ITFG1: variants seen among roughly 807,000 people sequenced by gnomAD.
ITFG1 encodes T-cell immunomodulatory protein.
A neutral mutation model predicts 81.8 loss-of-function variants in ITFG1; 34 were observed. That is an observed-to-expected ratio of 0.42 (90% CI 0.32 to 0.55). The LOEUF is 0.55. Ranked by LOEUF, ITFG1 falls within the 20% of genes least tolerant of loss-of-function variation. ITFG1 has a pLI of 0.17. For synonymous variants in ITFG1, 285 were observed against 270.6 expected, an observed-to-expected ratio of 1.05 and a Z score of -0.52; for missense variants, 672 against 755.4, an observed-to-expected ratio of 0.89 and a Z score of 1.29.
intron 10 of ITFG1, among the ~76,000 whole-genome samples, chr16:47,269,917 C>T (rs1234898761): frequency 3.9e-5 from 6 of 152,088 alleles, no homozygotes; most frequent in South Asian, 2.1e-4. Flanking sequence ...GGTACTGCCA[C>T]AAAGATGGAC....
At chr16:47,361,395 A>G (rs1171675353) in intron 8 of ITFG1, among the ~76,000 whole-genome samples, 1 of 152,014 alleles carries the variant, frequency 6.6e-6, no homozygotes, top group Non-Finnish European at 1.5e-5. Context: ...TCTAATTTCT[A>G]TTGACTTTTT....
chr16:47,400,539 G>A (rs1968647955), intron 6 of ITFG1, among the ~76,000 whole-genome samples: 2 of 151,770 alleles, frequency 1.3e-5, no homozygotes, highest in Admixed American at 1.3e-4. Context: ...CAGTTAACAG[G>A]GAAGACAGAG....
At chr16:47,376,084 C>A in intron 6 of ITFG1, 144 bp from the exon 7 acceptor site, 2 of 520,810 alleles carry the variant, frequency 3.8e-6, no homozygotes, top group Non-Finnish European at 6.8e-6. Flanking sequence ...CAAGTTTCAT[C>A]CCATTAAAAA....
intron 10 of ITFG1, among the ~76,000 whole-genome samples, chr16:47,292,361 G>A (rs1405575760): frequency 6.6e-6 from 1 of 152,118 alleles, no homozygotes; most frequent in Non-Finnish European, 1.5e-5. Context: ...TGATGTCTCT[G>A]TATTCGATGA....
intron 6 of ITFG1, among the ~76,000 whole-genome samples, chr16:47,426,989 T>TG (rs1306122775): frequency 2.6e-5 from 4 of 152,052 alleles, no homozygotes; most frequent in African/African-American, 7.2e-5. Flanking sequence ...AGGTGGGAAG[T>TG]GGGGGCGGAG....
intron 12 of ITFG1, among the ~76,000 whole-genome samples, chr16:47,251,730 A>C (rs1274127155): frequency 1.3e-5 from 2 of 152,236 alleles, no homozygotes; most frequent in Non-Finnish European, 2.9e-5. Flanking sequence ...CTATATGTAC[A>C]TACCTATGAT....
At chr16:47,461,105 A>G, upstream of ITFG1, 1 of 1,422,814 alleles carries the variant, frequency 7.0e-7, no homozygotes, top group Non-Finnish European at 9.3e-7. Context: ...GCCGCAAAGC[A>G]CCGCGTTACC....
intron 1 of ITFG1, among the ~76,000 whole-genome samples, chr16:47,459,615 G>A (rs1408002274): frequency 6.6e-6 from 1 of 152,152 alleles, no homozygotes; most frequent in East Asian, 1.9e-4. Context: ...GTAGATATCT[G>A]ACAAAGACAT....
intron 14 of ITFG1, among the ~76,000 whole-genome samples, chr16:47,170,026 G>A (rs960950721): frequency 1.3e-5 from 2 of 152,148 alleles, no homozygotes; most frequent in African/African-American, 4.8e-5. Flanking sequence ...GCATTCCTGG[G>A]ACAAGTCCCA....
At position 47,166,098 on chromosome 16, in the gene ITFG1, C is replaced by A. The variant is rs530167539; in HGVS notation, c.1454-3434G>T. ...ACCAGCATTAACATCAATACAAAGC[C>A]CTTAAGACTGATAGAACAGACTCTT... On this transcript the variant is annotated intron_variant, in intron 14 of 17. Transcript: ENST00000320640. Among the ~76,000 whole-genome samples, 3 of 152,264 alleles carry A rather than the reference C, an allele frequency of 2.0e-5. No individual in the cohort carries two copies. The South Asian group carries it at 6.2e-4, about 32-fold the overall frequency.
At chr16:47,362,356 G>C (rs1968120285) in intron 8 of ITFG1, among the ~76,000 whole-genome samples, 1 of 152,122 alleles carries the variant, frequency 6.6e-6, no homozygotes, top group Non-Finnish European at 1.5e-5. Context: ...GCATGCTCAA[G>C]AAGCATTACA....
intron 14 of ITFG1, among the ~76,000 whole-genome samples, chr16:47,205,059 A>G (rs116702270): frequency 6.6e-6 from 1 of 152,236 alleles, no homozygotes; most frequent in African/African-American, 2.4e-5. Flanking sequence ...CTGGCAAATA[A>G]TACTACTATT....
intron 6 of ITFG1, among the ~76,000 whole-genome samples, chr16:47,405,395 G>A (rs1968715875): frequency 6.6e-6 from 1 of 152,090 alleles, no homozygotes; most frequent in Non-Finnish European, 1.5e-5. Flanking sequence ...GGCTGTTTAT[G>A]AATAGAACAT....
chr16:47,231,291 A>G (rs1437259848), intron 13 of ITFG1, among the ~76,000 whole-genome samples: 2 of 152,258 alleles, frequency 1.3e-5, no homozygotes, highest in Admixed American at 6.5e-5. Context: ...TTTGGTGAAA[A>G]GAATTACCAA....
chr16:47,171,594 T>A (rs753709445), intron 14 of ITFG1, among the ~76,000 whole-genome samples: 3 of 152,242 alleles, frequency 2.0e-5, no homozygotes, highest in Non-Finnish European at 4.4e-5. Context: ...TCTGGTCTTC[T>A]TTTCAAGTTC....
intron 8 of ITFG1, among the ~76,000 whole-genome samples, chr16:47,331,649 T>C (rs186076789): frequency 2.0e-5 from 3 of 152,256 alleles, no homozygotes. Flanking sequence ...TTATAACCCA[T>C]AATATTCTAA....
intron 10 of ITFG1, among the ~76,000 whole-genome samples, chr16:47,273,527 TAA>T (rs1286398292): frequency 6.6e-6 from 1 of 152,164 alleles, no homozygotes; most frequent in Non-Finnish European, 1.5e-5. Context: ...ATATTCACAA[TAA>T]AGTTCACTTT....
At chr16:47,458,868 A>G (rs757816198) in intron 2 of ITFG1, among the ~76,000 whole-genome samples, 2 of 152,090 alleles carry the variant, frequency 1.3e-5, no homozygotes, top group Non-Finnish European at 2.9e-5. Context: ...AAGGAAATAA[A>G]GGGTGTTTAT....
chr16:47,413,316 A>T (rs1343143649), intron 6 of ITFG1, among the ~76,000 whole-genome samples: 2 of 152,232 alleles, frequency 1.3e-5, no homozygotes, highest in African/African-American at 2.4e-5. Flanking sequence ...ATGTTAAGGG[A>T]ATTCATTCCC....
Sources: allele counts gnomAD v4.1 joint callset (sites outside exome capture counted in the v4.1 genomes callset), GRCh38; gene constraint gnomAD v4.1.1; transcripts MANE v1.5; gene names NCBI Gene and HGNC (gene_info 2026-07-23, HGNC 2026-07-21).